Variants in SERAC1 observed in about 807,000 individuals in gnomAD.
SERAC1 encodes serine active site containing 1.
Under a neutral mutation model 85.7 loss-of-function variants are expected in SERAC1, and 36 were observed. The observed-to-expected ratio is 0.42, with a 90% CI of 0.32 to 0.55. The LOEUF (loss-of-function observed/expected upper bound fraction) is 0.55, where lower values mean the gene tolerates loss of function less well. SERAC1 is among the 20% of genes least tolerant of loss of function. SERAC1 has a pLI of 0.11. For synonymous variants in SERAC1, 242 were observed against 265.3 expected, an observed-to-expected ratio of 0.91 and a Z score of 0.85; for missense variants, 629 against 796.2, an observed-to-expected ratio of 0.79 and a Z score of 2.53.
intron 10 of SERAC1, among the ~76,000 whole-genome samples, chr6:158,122,856 C>G (rs1784454204): frequency 6.6e-6 from 1 of 152,198 alleles, no homozygotes; most frequent in Admixed American, 6.5e-5. Context: ...TGTGTCTGTA[C>G]TTCAGCAGTA....
chr6:158,146,509 C>T (rs1247044183), intron 6 of SERAC1: 8 of 242,632 alleles, frequency 3.3e-5, no homozygotes, highest in Admixed American at 3.3e-4. Context: ...CCTGGGTTCA[C>T]GCCATTCTCC....
intron 3 of SERAC1, among the ~76,000 whole-genome samples, chr6:158,154,966 T>G (rs1785293740): frequency 6.6e-6 from 1 of 151,638 alleles, no homozygotes; most frequent in Non-Finnish European, 1.5e-5. Flanking sequence ...GCGCCGGAGC[T>G]GAGTGAGTGC....
At chr6:158,162,498 G>T (rs1473268426) in intron 1 of SERAC1, among the ~76,000 whole-genome samples, 1 of 152,046 alleles carries the variant, frequency 6.6e-6, no homozygotes, top group Non-Finnish European at 1.5e-5. Flanking sequence ...TTTGATCTTA[G>T]AACTCACATT....
At position 158,158,741 on chromosome 6, in the gene SERAC1, A is replaced by G. The variant is rs181592541; in HGVS notation, c.-1-377T>C. The stretch of plus-strand genomic sequence containing the variant: ...ATGAAAAAAATTTAATGTCTTTGAA[A>G]ATATATGTATATATGTATTTATCTC... On this transcript the variant is annotated intron_variant, in intron 1 of 16. Transcript: ENST00000647468. The G allele has an allele frequency of 2.9e-4, 49 of 170,714 alleles. 1 individual carries two copies. The East Asian group carries it at 7.9e-3, about 28-fold the overall frequency. 10.6% of individuals were successfully genotyped at this position (170,714 alleles called of 1,614,324 possible).
intron 8 of SERAC1, among the ~76,000 whole-genome samples, chr6:158,141,462 G>A (rs1292910354): frequency 6.6e-6 from 1 of 152,150 alleles, no homozygotes; most frequent in East Asian, 1.9e-4. Flanking sequence ...TAGTTGAATT[G>A]GAAATATCAC....
At position 158,117,213 on chromosome 6, in the gene SERAC1, C is replaced by T. The variant is rs1425314924; in HGVS notation, c.1403+514G>A. ...CTGTCAATCTGTAGACAAAGCTTCC[C>T]GGAAAAGTTAACTGACTGGTCTAAG... On this transcript the variant is annotated intron_variant, in intron 13 of 16. Coordinates refer to ENST00000647468, the MANE Select transcript of SERAC1 (RefSeq NM_032861.4). The surrounding 1 kb of genome is among the most constrained non-coding windows in gnomAD (Gnocchi z 4.3). 1.1e-5 allele frequency: 3 copies of T among 285,674 alleles called. No individual in the cohort carries two copies. Among genetic ancestry groups the T allele is most frequent in the Non-Finnish European group, 6.5e-6 (1 of 152,742 alleles). 17.7% of individuals were successfully genotyped at this position (285,674 alleles called of 1,614,324 possible). A position where few individuals can be genotyped will look rare whatever the true frequency, so the allele number is the denominator to read the frequency against.
Position 158,117,594 on chromosome 6 carries a change from A to AGAT in SERAC1, c.1403+130_1403+132dup, listed in dbSNP as rs1272241223. ...ACTCCTTCTAGAAGGAAGACAAAAA[A>AGAT]GATTAGGTTTGTTCTTCATAAGAAA... On this transcript the variant is annotated intron_variant, in intron 13 of 16. Transcript: ENST00000647468. The surrounding 1 kb of genome is among the most constrained non-coding windows in gnomAD (Gnocchi z 4.3). 10 of 1,556,588 alleles carry AGAT rather than the reference A, an allele frequency of 6.4e-6. No individual in the cohort carries two copies. In the East Asian group the frequency reaches 7.2e-5, roughly 11 times the overall value.
At chr6:158,167,494 C>G (rs1336357649) in intron 1 of SERAC1, among the ~76,000 whole-genome samples, 2 of 142,364 alleles carry the variant, frequency 1.4e-5, no homozygotes, top group Admixed American at 1.5e-4. Context: ...GCCCAGATCG[C>G]GCCACTGCAC....
intron 8 of SERAC1, among the ~76,000 whole-genome samples, chr6:158,135,650 C>A (rs1056045557): frequency 6.6e-6 from 1 of 152,146 alleles, no homozygotes; most frequent in African/African-American, 2.4e-5. Context: ...TACTGTGGTT[C>A]TTTCAGGGAA....
chr6:158,145,912 G>T (rs1583593799), intron 6 of SERAC1: 1 of 152,092 alleles, frequency 6.6e-6, no homozygotes, highest in African/African-American at 2.4e-5. Flanking sequence ...AACCAGAGAA[G>T]ATATGAGTTC....
chr6:158,156,825 T>A (rs1458676197), intron 2 of SERAC1, among the ~76,000 whole-genome samples: 1 of 134,462 alleles, frequency 7.4e-6, no homozygotes, highest in Non-Finnish European at 1.5e-5. Context: ...TATAATATAT[T>A]AATATATTAT....
chr6:158,161,440 A>G (rs1785485657), intron 1 of SERAC1: 1 of 152,110 alleles, frequency 6.6e-6, no homozygotes, highest in South Asian at 2.1e-4. Context: ...AGAATTTAGA[A>G]TAACAGTAGG....
At position 158,113,493 on chromosome 6, in the gene SERAC1, A is replaced by G. The variant is rs2128410058; in HGVS notation, c.1784T>C (p.Ile595Thr). ...LNFVETLPTY[I>T]GSMIKLHVVP... ...CACATGGAGCTTAATCATGCTGCCAATGTAGGTTGGTAGTGTTTCCACAAA... is the reference window on the plus strand; with the variant it reads ...CACATGGAGCTTAATCATGCTGCCAGTGTAGGTTGGTAGTGTTTCCACAAA... The change falls in exon 16 of 17, where the codon ATT (isoleucine) becomes ACT (threonine). Residue 595 changes from isoleucine (I) to threonine (T), a missense_variant. Ile to Thr is a moderately conservative substitution (Grantham distance 89, BLOSUM62 -1). Coordinates refer to ENST00000647468, the MANE Select transcript of SERAC1 (RefSeq NM_032861.4). 1.2e-6 allele frequency: 2 copies of G among 1,614,062 alleles called. No homozygotes were observed. Among genetic ancestry groups the G allele is most frequent in the Non-Finnish European group, 8.5e-7 (1 of 1,179,950 alleles).
intron 6 of SERAC1, 107 bp from the exon 7 acceptor site, chr6:158,144,527 G>A (rs1246207112): frequency 9.3e-7 from 1 of 1,077,016 alleles, no homozygotes; most frequent in Admixed American, 2.9e-5. Context: ...AAACTGCTCT[G>A]CAAATTTGTA....
At chr6:158,124,938 T>G (rs1334079328) in intron 10 of SERAC1, among the ~76,000 whole-genome samples, 1 of 152,180 alleles carries the variant, frequency 6.6e-6, no homozygotes, top group Non-Finnish European at 1.5e-5. Flanking sequence ...GGAAAGTCTT[T>G]AGGCTGAAGA....
At chr6:158,121,929 T>C (rs1338539429) in intron 10 of SERAC1, among the ~76,000 whole-genome samples, 2 of 152,234 alleles carry the variant, frequency 1.3e-5, no homozygotes, top group Non-Finnish European at 2.9e-5. Flanking sequence ...CTTACTTCTT[T>C]AACATTGAGC....
At chr6:158,138,705 G>A (rs2128418476) in intron 8 of SERAC1, among the ~76,000 whole-genome samples, 2 of 152,204 alleles carry the variant, frequency 1.3e-5, no homozygotes, top group Middle Eastern at 6.8e-3. Flanking sequence ...ACTATCAGAT[G>A]TTAGACAAGG....
intron 8 of SERAC1, among the ~76,000 whole-genome samples, chr6:158,137,569 G>A (rs886514952): frequency 6.6e-6 from 1 of 152,098 alleles, no homozygotes; most frequent in Admixed American, 6.6e-5. Flanking sequence ...GTAGCATAAA[G>A]ACAATGCAAT....
At chr6:158,143,278 T>A (rs891219687) in intron 7 of SERAC1, 94 bp from the exon 8 acceptor site, 93 of 1,468,138 alleles carry the variant, frequency 6.3e-5, no homozygotes, top group Admixed American at 4.0e-5. Context: ...TTGCCATATA[T>A]ATCAAAGCCA....
Sources: gnomAD v4.1 joint callset for allele counts (sites outside exome capture counted in the v4.1 genomes callset) on GRCh38, gnomAD v4.1.1 for gene constraint, Gnocchi (gnomAD v3.1) non-coding constraint, MANE v1.5 for transcripts, NCBI Gene and HGNC (gene_info 2026-07-23, HGNC 2026-07-21) for gene names.